SLC35E4: variants seen among roughly 807,000 people sequenced by gnomAD.
SLC35E4 encodes the protein solute carrier family 35, member E4.
SLC35E4 carries 15 observed loss-of-function variants against 19.3 expected under a neutral mutation model. The ratio of observed to expected loss-of-function variants is 0.78; its 90% CI spans 0.52 to 1.20. The LOEUF (loss-of-function observed/expected upper bound fraction) is 1.20, where lower values mean the gene tolerates loss of function less well. Ranked by LOEUF, SLC35E4 falls within the 50% of genes most tolerant of loss-of-function variation. The probability of loss-of-function intolerance (pLI) is 0.00; values close to 1 mark genes in which losing one functional copy is unlikely to be tolerated. For missense variants in SLC35E4, 406 were observed against 472.3 expected (o/e 0.86, Z 1.30); for synonymous variants, 219 against 219.9 (o/e 1.00, Z 0.04).
downstream of SLC35E4, chr22:30,649,209 G>T: frequency 1.4e-6 from 1 of 717,090 alleles, no homozygotes. Flanking sequence ...CTATGGAGAG[G>T]GTTCGAATGA....
chr22:30,651,367 A>ATTTTTT (rs35299835), downstream of SLC35E4, among the ~76,000 whole-genome samples: 42 of 77,012 alleles, frequency 5.5e-4, no homozygotes, highest in African/African-American at 2.1e-3. Context: ...CACGTGGCTA[A>ATTTTTT]TTTTTGTGTG....
At chr22:30,664,152 G>C (rs1272340105), downstream of SLC35E4, 6 of 693,840 alleles carry the variant, frequency 8.6e-6, no homozygotes, top group Non-Finnish European at 1.5e-5. Flanking sequence ...CTGGGAAATG[G>C]ATGGATAGGC....
chr22:30,641,553 TA>T (rs1370540256), intron 1 of SLC35E4, among the ~76,000 whole-genome samples: 9 of 151,156 alleles, frequency 6.0e-5, no homozygotes, highest in South Asian at 4.2e-4. Flanking sequence ...TTTATTTTAT[TA>T]TTTTTTTTTT....
downstream of SLC35E4, chr22:30,663,758 G>T (rs1260254843): frequency 6.2e-7 from 1 of 1,614,114 alleles, no homozygotes; most frequent in African/African-American, 1.3e-5. Context: ...TAGGGTCAAA[G>T]AAGTCACAGA....
downstream of SLC35E4, among the ~76,000 whole-genome samples, chr22:30,651,371 T>TTTTTTGTGTG (rs1555899345): frequency 4.9e-5 from 2 of 41,202 alleles, no homozygotes; most frequent in African/African-American, 2.2e-4. Flanking sequence ...TGGCTAATTT[T>TTTTTTGTGTG]TGTGTGTGTG....
chr22:30,660,818 T>C (rs1294021922), intron 2 of SLC35E4, among the ~76,000 whole-genome samples: 1 of 151,174 alleles, frequency 6.6e-6, no homozygotes, highest in African/African-American at 2.4e-5. Context: ...GAAAAAACCA[T>C]GGAGGCCAGA....
At chr22:30,664,749 A>G (rs986465408), downstream of SLC35E4, among the ~76,000 whole-genome samples, 6 of 152,364 alleles carry the variant, frequency 3.9e-5, no homozygotes, top group Middle Eastern at 3.4e-3. Context: ...ATTGTTAGAC[A>G]TGCTCCTGCA....
At chr22:30,661,921 C>A (rs2088481489) in intron 2 of SLC35E4, 1 of 151,420 alleles carries the variant, frequency 6.6e-6, no homozygotes, top group East Asian at 2.0e-4. Flanking sequence ...TGGAACTGTG[C>A]TCCTTGTTTC....
rs914391425 is a variant in SLC35E4, at chr22:30,636,735, C to T, written c.285C>T (p.His95=). ...LHMLVAALAC[H]RGARRPMPGG... is the part of the protein sequence containing the mutation. ...TGCTGGTGGCAGCCCTGGCATGCCA[C>T]CGGGGGGCACGGCGCCCCATGCCAG... is the stretch of plus-strand genomic sequence containing the variant. The change falls in exon 1 of 2, where the codon CAC becomes CAT. Residue 95 remains histidine, a synonymous_variant. Transcript: ENST00000343605. 2.5e-6 allele frequency: 4 copies of T among 1,611,878 alleles called. No homozygotes were observed. Among genetic ancestry groups the T allele is most frequent in the Non-Finnish European group, 3.4e-6 (4 of 1,179,282 alleles).
chr22:30,650,958 C>G (rs924736198), downstream of SLC35E4, among the ~76,000 whole-genome samples: 1 of 151,586 alleles, frequency 6.6e-6, no homozygotes, highest in African/African-American at 2.4e-5. Flanking sequence ...CCCTTCTACC[C>G]TCCCCTGGTG....
downstream of SLC35E4, among the ~76,000 whole-genome samples, chr22:30,652,723 T>A (rs1251923744): frequency 6.6e-6 from 1 of 152,264 alleles, no homozygotes; most frequent in African/African-American, 2.4e-5. Flanking sequence ...TAGGGCCCCT[T>A]GAGTGTCCTC....
chr22:30,639,207 G>A (rs1253137240), intron 1 of SLC35E4, among the ~76,000 whole-genome samples: 3 of 152,098 alleles, frequency 2.0e-5, no homozygotes, highest in African/African-American at 7.2e-5. Flanking sequence ...ATGTCGGCAG[G>A]TTCCGTGATG....
At chr22:30,640,382 AAAAAG>A in intron 1 of SLC35E4, among the ~76,000 whole-genome samples, 1 of 151,954 alleles carries the variant, frequency 6.6e-6, no homozygotes, top group South Asian at 2.1e-4. Flanking sequence ...AAAAAAAAAA[AAAAAG>A]AAGAAAGAAA....
At position 30,636,535 on chromosome 22, in the gene SLC35E4, G is replaced by A; in HGVS notation, c.85G>A (p.Gly29Arg). Residue 29 changes from glycine to arginine, a missense_variant, in exon 1 of 2, where the codon GGG becomes AGG. Gly to Arg is a moderately radical substitution (Grantham distance 125, BLOSUM62 -2). Coordinates refer to ENST00000343605, the MANE Select transcript of SLC35E4 (RefSeq NM_001001479.4). ...AGCAGCTGGTGGTGCTCAGGCGGCTGGGCCCCCCGAGTGGCCCCCTGGCAG... is the reference window on the plus strand; with the variant it reads ...AGCAGCTGGTGGTGCTCAGGCGGCTAGGCCCCCCGAGTGGCCCCCTGGCAG... ...GAAAGGAQAA[G>R]PPEWPPGSPQ... The A allele has an allele frequency of 6.4e-7, 1 of 1,556,146 alleles. No homozygotes were observed. The highest frequency in any genetic ancestry group is 8.7e-7 in the Non-Finnish European group (1 of 1,149,556).
At chr22:30,644,871 G>C (rs1351023223) in intron 1 of SLC35E4, among the ~76,000 whole-genome samples, 1 of 152,100 alleles carries the variant, frequency 6.6e-6, no homozygotes, top group Non-Finnish European at 1.5e-5. Flanking sequence ...GGTACACACA[G>C]ATACACAGTC....
chr22:30,658,145 C>T (rs1313325494), intron 2 of SLC35E4, among the ~76,000 whole-genome samples: 7 of 151,162 alleles, frequency 4.6e-5, no homozygotes, highest in East Asian at 3.9e-4. Context: ...CTGAATCTCT[C>T]GGGGTTCTAG....
chr22:30,640,807 C>A (rs939697343), intron 1 of SLC35E4, among the ~76,000 whole-genome samples: 17 of 152,168 alleles, frequency 1.1e-4, no homozygotes, highest in Admixed American at 1.0e-3. Flanking sequence ...TCCAAGGGGC[C>A]TCTTGCTCTC....
chr22:30,640,866 A>G (rs1472996489), intron 1 of SLC35E4, among the ~76,000 whole-genome samples: 1 of 152,154 alleles, frequency 6.6e-6, no homozygotes, highest in East Asian at 1.9e-4. Flanking sequence ...GGAAGTGGGC[A>G]CACCAAGAGT....
chr22:30,665,439 C>A, downstream of SLC35E4: 1 of 453,312 alleles, frequency 2.2e-6, no homozygotes, highest in Admixed American at 2.4e-5. Context: ...CCTCTCCAGC[C>A]AGTGGCCTTT....
Sources: allele counts gnomAD v4.1 joint callset (sites outside exome capture counted in the v4.1 genomes callset), GRCh38; gene constraint gnomAD v4.1.1; transcripts MANE v1.5; gene names NCBI Gene and HGNC (gene_info 2026-07-23, HGNC 2026-07-21).